TBC1D4: variants seen among roughly 807,000 people sequenced by gnomAD.
TBC1D4 encodes TBC (Tre-2, BUB2, CDC16) domain-containing protein.
TBC1D4 carries 121 observed loss-of-function variants against 142.5 expected under a neutral mutation model. The ratio of observed to expected loss-of-function variants is 0.85; its 90% CI spans 0.73 to 0.99. The LOEUF (loss-of-function observed/expected upper bound fraction) is 0.99. Among genes scored for constraint, TBC1D4 ranks in the 50% least tolerant of loss-of-function variants. The pLI is 0.00. For missense variants in TBC1D4, 1,475 were observed against 1,606.6 expected, an observed-to-expected ratio of 0.92 and a Z score of 1.40; for synonymous variants, 630 against 628.2, an observed-to-expected ratio of 1.00 and a Z score of -0.04.
chr13:75,442,158 C>T (rs1203035336), intron 1 of TBC1D4, among the ~76,000 whole-genome samples: 1 of 152,158 alleles, frequency 6.6e-6, no homozygotes, highest in African/African-American at 2.4e-5. Flanking sequence ...AAAAATGTTA[C>T]ATCTCAAAGA....
intron 1 of TBC1D4, among the ~76,000 whole-genome samples, chr13:75,470,985 C>CAAA (rs531398241): frequency 1.7e-5 from 2 of 118,612 alleles, no homozygotes; most frequent in Non-Finnish European, 1.9e-5. Flanking sequence ...GCCCCTGTAT[C>CAAA]AAAAAAAAAA....
chr13:75,287,119 A>G (rs1874767554), intron 20 of TBC1D4, 94 bp from the exon 21 acceptor site: 1 of 1,032,652 alleles, frequency 9.7e-7, no homozygotes. Flanking sequence ...AAATTACTTA[A>G]TAAAATATTA....
At position 75,309,935 on chromosome 13, in the gene TBC1D4, G is replaced by A. The variant is rs1358051833; in HGVS notation, c.2593+7C>T. On this transcript the variant is annotated splice_region_variant and intron_variant, in intron 14 of 20. Transcript: ENST00000377636. ...ATCATAGCATTTAGTCTGTTAAAAT[G>A]GCTAACCTTCAAGTTTCTGGTTTTC... The A allele has an allele frequency of 1.2e-6, 2 of 1,613,856 alleles. No individual in the cohort carries two copies. Among genetic ancestry groups the A allele is most frequent in the Middle Eastern group, 1.7e-4 (1 of 6,060 alleles).
At chr13:75,334,108 ATATCT>A (rs537994450) in intron 8 of TBC1D4, among the ~76,000 whole-genome samples, 58 of 152,202 alleles carry the variant, frequency 3.8e-4, no homozygotes, top group East Asian at 2.9e-3. Flanking sequence ...CATACAGCAA[ATATCT>A]TATTTATGAT....
chr13:75,466,318 G>A (rs1206396491), intron 1 of TBC1D4, among the ~76,000 whole-genome samples: 2 of 152,170 alleles, frequency 1.3e-5, no homozygotes, highest in Non-Finnish European at 2.9e-5. Context: ...AGAACGATGT[G>A]AGAAGGATGG....
chr13:75,369,750 A>C (rs1883125095), intron 1 of TBC1D4, among the ~76,000 whole-genome samples: 1 of 152,206 alleles, frequency 6.6e-6, no homozygotes, highest in Non-Finnish European at 1.5e-5. Context: ...ATGTGAAAAT[A>C]TGCCTGACAC....
chr13:75,402,419 C>T (rs1295452401), intron 1 of TBC1D4, among the ~76,000 whole-genome samples: 1 of 151,570 alleles, frequency 6.6e-6, no homozygotes. Context: ...AACATTTCTC[C>T]ATTCTTTCAA....
intron 1 of TBC1D4, among the ~76,000 whole-genome samples, chr13:75,392,747 C>T (rs1282116157): frequency 1.3e-5 from 2 of 152,004 alleles, no homozygotes; most frequent in African/African-American, 4.8e-5. Context: ...GTGATCCTCC[C>T]ACCTCAGCCT....
At chr13:75,410,674 C>T (rs1885602189) in intron 1 of TBC1D4, among the ~76,000 whole-genome samples, 1 of 152,078 alleles carries the variant, frequency 6.6e-6, no homozygotes, top group Non-Finnish European at 1.5e-5. Context: ...CGGTGGCTCA[C>T]GCCTGTAATC....
chr13:75,471,183 A>T (rs1888385950), intron 1 of TBC1D4, among the ~76,000 whole-genome samples: 1 of 151,966 alleles, frequency 6.6e-6, no homozygotes, highest in South Asian at 2.1e-4. Context: ...CTCCAACCTA[A>T]CTTCCAGTAG....
In TBC1D4 at chr13:75,362,662, A is replaced by T; in HGVS notation, c.499-55T>A. 6.9e-6 allele frequency: 11 copies of T among 1,585,392 alleles called. No homozygotes were observed. The South Asian group carries it at 1.2e-4, about 18-fold the overall frequency. On this transcript the variant is annotated intron_variant, in intron 1 of 20. Transcript: ENST00000377636. The surrounding 1 kb of genome is among the most constrained non-coding windows in gnomAD (Gnocchi z 4.2). ...AGTTGAAAGTTTTGAGACAATTTACATTTACCTAGCCCAATTATTACCACA... is the reference window on the plus strand; with the variant it reads ...AGTTGAAAGTTTTGAGACAATTTACTTTTACCTAGCCCAATTATTACCACA...
chr13:75,288,355 C>T (rs1049140577), intron 20 of TBC1D4, among the ~76,000 whole-genome samples: 1 of 152,176 alleles, frequency 6.6e-6, no homozygotes, highest in Non-Finnish European at 1.5e-5. Context: ...CTTTCTACAG[C>T]ATGGCCCAAA....
At chr13:75,408,821 A>T (rs2138384233) in intron 1 of TBC1D4, among the ~76,000 whole-genome samples, 1 of 152,280 alleles carries the variant, frequency 6.6e-6, no homozygotes, top group Non-Finnish European at 1.5e-5. Flanking sequence ...TCTAATGACG[A>T]ATGATGTTGA....
chr13:75,346,235 A>C (rs949982068), intron 5 of TBC1D4, among the ~76,000 whole-genome samples: 390 of 101,882 alleles, frequency 3.8e-3, no homozygotes, highest in African/African-American at 0.012. Flanking sequence ...TATACGTGCC[A>C]TGGTGCACCC....
chr13:75,399,308 A>G (rs571276902), intron 1 of TBC1D4, among the ~76,000 whole-genome samples: 2 of 152,270 alleles, frequency 1.3e-5, no homozygotes, highest in African/African-American at 2.4e-5. Context: ...ATCATTCCCA[A>G]TGAGAGCTGA....
chr13:75,435,098 C>T (rs1034713109), intron 1 of TBC1D4, among the ~76,000 whole-genome samples: 2 of 151,936 alleles, frequency 1.3e-5, no homozygotes, highest in South Asian at 2.1e-4. Context: ...CCTTTCCTAA[C>T]GTACTTGATT....
chr13:75,368,596 T>C (rs1427396490), intron 1 of TBC1D4, among the ~76,000 whole-genome samples: 2 of 152,248 alleles, frequency 1.3e-5, no homozygotes, highest in African/African-American at 4.8e-5. Flanking sequence ...CCTCTCATGC[T>C]GTCTCACTGC....
At chr13:75,360,200 TATAATC>T (rs1454506111) in intron 2 of TBC1D4, among the ~76,000 whole-genome samples, 1 of 152,212 alleles carries the variant, frequency 6.6e-6, no homozygotes, top group Non-Finnish European at 1.5e-5. Flanking sequence ...AAAAATAAGT[TATAATC>T]ATACTTTCTT....
chr13:75,418,173 G>A (rs1048109405), intron 1 of TBC1D4, among the ~76,000 whole-genome samples: 2 of 152,136 alleles, frequency 1.3e-5, no homozygotes, highest in African/African-American at 2.4e-5. Flanking sequence ...TTAAAATTAA[G>A]GTAATCTAAT....
Sources: gnomAD v4.1 joint callset for allele counts (sites outside exome capture counted in the v4.1 genomes callset) on GRCh38, gnomAD v4.1.1 for gene constraint, Gnocchi (gnomAD v3.1) non-coding constraint, MANE v1.5 for transcripts, NCBI Gene and HGNC (gene_info 2026-07-23, HGNC 2026-07-21) for gene names.